The following PKHD1 variants were observed in gnomAD, a reference collection of about 807,000 sequenced individuals.
PKHD1 encodes PKHD1 ciliary IPT domain containing fibrocystin/polyductin, also known as fibrocystin.
Under a neutral mutation model 412.0 loss-of-function variants are expected in PKHD1, and 291 were observed. That is an observed-to-expected ratio of 0.71 (90% confidence interval 0.64 to 0.78). The LOEUF (loss-of-function observed/expected upper bound fraction) is 0.78, where lower values mean the gene tolerates loss of function less well. Ranked by LOEUF, PKHD1 falls within the 30% of genes least tolerant of loss-of-function variation. The probability of loss-of-function intolerance (pLI) is 0.00; values close to 1 mark genes in which losing one functional copy is unlikely to be tolerated. For missense variants in PKHD1, 4,825 were observed against 4,950.7 expected (o/e 0.97, Z 0.76); for synonymous variants, 1,777 against 1,821.5 (o/e 0.98, Z 0.62).
intron 52 of PKHD1, among the ~76,000 whole-genome samples, chr6:51,812,205 A>C (rs1367990627): frequency 6.6e-6 from 1 of 152,222 alleles, no homozygotes; most frequent in Non-Finnish European, 1.5e-5. Flanking sequence ...CAGACACCCT[A>C]TTAGAGTTTC....
intron 55 of PKHD1, among the ~76,000 whole-genome samples, chr6:51,763,895 C>G (rs559792430): frequency 6.6e-6 from 1 of 152,048 alleles, no homozygotes; most frequent in East Asian, 1.9e-4. Context: ...CCATACTACC[C>G]CCTTAAAAAC....
intron 52 of PKHD1, among the ~76,000 whole-genome samples, chr6:51,813,412 A>C (rs1764989246): frequency 6.6e-6 from 1 of 152,202 alleles, no homozygotes; most frequent in South Asian, 2.1e-4. Flanking sequence ...CATACTCTGT[A>C]ATAACTGTTC....
intron 36 of PKHD1, among the ~76,000 whole-genome samples, chr6:51,941,334 CA>C (rs1788521736): frequency 7.0e-6 from 1 of 143,618 alleles, no homozygotes; most frequent in African/African-American, 2.5e-5. Flanking sequence ...CGGCTCACTG[CA>C]AGCTCCGCTT....
At position 51,645,847 on chromosome 6, in the gene PKHD1, T is replaced by C. The variant is rs141535670; in HGVS notation, c.11398+2184A>G. Among the ~76,000 whole-genome samples, 864 of 152,342 alleles carry C rather than the reference T, an allele frequency of 5.7e-3. 6 individuals are homozygous for C. The highest frequency in any genetic ancestry group is 0.019 in the African/African-American group (806 of 41,590). On this transcript the variant is annotated intron_variant, in intron 63 of 66. Coordinates refer to ENST00000371117, the MANE Select transcript of PKHD1 (RefSeq NM_138694.4). Reference sequence around the variant, plus strand: ...CAATTCTGAATTCAAGGAGTCAAGATAAACCCATTGGCTCTATTCTTTTAC... The same window carrying C: ...CAATTCTGAATTCAAGGAGTCAAGACAAACCCATTGGCTCTATTCTTTTAC...
intron 61 of PKHD1, among the ~76,000 whole-genome samples, chr6:51,651,958 A>T (rs2661500): frequency 1.3e-5 from 2 of 152,076 alleles, no homozygotes; most frequent in African/African-American, 2.4e-5. Context: ...TCCAAACATC[A>T]TTACATGCTG....
chr6:51,757,921 G>T (rs2025749), intron 55 of PKHD1, among the ~76,000 whole-genome samples: 48,392 of 151,322 alleles, frequency 0.32, 9,599 homozygotes, highest in East Asian at 0.7. Context: ...TGAGGTGGGA[G>T]GATGGCTTAG....
chr6:51,840,450 T>G (rs147017516), intron 50 of PKHD1, among the ~76,000 whole-genome samples: 1 of 152,132 alleles, frequency 6.6e-6, no homozygotes, highest in Non-Finnish European at 1.5e-5. Flanking sequence ...AACACATATA[T>G]CTGCATTAGC....
intron 35 of PKHD1, among the ~76,000 whole-genome samples, chr6:51,994,407 T>A (rs1302320672): frequency 6.6e-6 from 1 of 152,166 alleles, no homozygotes; most frequent in Admixed American, 6.5e-5. Flanking sequence ...AGTCCTGGGG[T>A]TACAGGCGTG....
Position 51,829,632 on chromosome 6 carries a change from G to A in PKHD1, c.8302+1229C>T, listed in dbSNP as rs551371945. Among the ~76,000 whole-genome samples the A allele has an allele frequency of 1.3e-4, 20 of 152,164 alleles. No individual in the cohort carries two copies. In the South Asian group the frequency reaches 3.3e-3, roughly 25 times the overall value. On this transcript the variant is annotated intron_variant, in intron 52 of 66. Transcript: ENST00000371117. ...AAGTGGGATGATAATAATAATTGAC[G>A]TTTGTACTGGTCAGCCCACTCACAC...
intron 57 of PKHD1, among the ~76,000 whole-genome samples, chr6:51,749,658 C>A (rs1318210242): frequency 6.6e-6 from 1 of 152,066 alleles, no homozygotes; most frequent in East Asian, 1.9e-4. Flanking sequence ...CAATTATTAT[C>A]CCCATTTTAC....
chr6:51,960,490 G>C (rs1180850975), intron 35 of PKHD1, among the ~76,000 whole-genome samples: 1 of 152,126 alleles, frequency 6.6e-6, no homozygotes, highest in African/African-American at 2.4e-5. Flanking sequence ...TGTTCTGCTT[G>C]ATGGGTGGCA....
chr6:51,675,919 C>T (rs944566484), intron 60 of PKHD1, among the ~76,000 whole-genome samples: 6 of 152,286 alleles, frequency 3.9e-5, no homozygotes, highest in African/African-American at 1.2e-4. Flanking sequence ...TGCCTATGAG[C>T]ACTTGCTTTG....
At chr6:51,699,927 G>GTGTGTGTGTGTGTGTGTGTT (rs1562125567) in intron 60 of PKHD1, among the ~76,000 whole-genome samples, 2 of 22,598 alleles carry the variant, frequency 8.9e-5, no homozygotes, top group Admixed American at 2.0e-3. Context: ...TGGAGTGTGT[G>GTGTGTGTGTGTGTGTGTGTT]TGTGTGTGTG....
At position 51,874,680 on chromosome 6, in the gene PKHD1, G is replaced by T. The variant is rs530788350; in HGVS notation, c.7351-4041C>A. Among the ~76,000 whole-genome samples the T allele has an allele frequency of 2.6e-5, 4 of 152,264 alleles. No individual in the cohort carries two copies. The South Asian group carries it at 8.3e-4, about 32-fold the overall frequency. ...GCAGTGGCTCACGCCTGTAATCCCA[G>T]CACTATGGGAGGCCAAGGCGGGCGG... On this transcript the variant is annotated intron_variant, in intron 46 of 66. Coordinates refer to ENST00000371117, the MANE Select transcript of PKHD1 (RefSeq NM_138694.4).
intron 64 of PKHD1, 50 bp downstream of exon 64, chr6:51,638,799 C>CAAAAAAAAAAAAAAAAAAAAAA: frequency 4.7e-6 from 4 of 847,888 alleles, no homozygotes; most frequent in Non-Finnish European, 5.5e-6. Flanking sequence ...ATTATCTTCT[C>CAAAAAAAAAAAAAAAAAAAAAA]AAAAAAAAAA....
chr6:51,985,945 CA>C (rs902810304), intron 35 of PKHD1, among the ~76,000 whole-genome samples: 1 of 151,868 alleles, frequency 6.6e-6, no homozygotes, highest in African/African-American at 2.4e-5. Context: ...TTTATGTAAC[CA>C]TTTGTGAATA....
At chr6:52,052,751 C>G (rs1807064500) in intron 21 of PKHD1, among the ~76,000 whole-genome samples, 1 of 152,052 alleles carries the variant, frequency 6.6e-6, no homozygotes, top group Non-Finnish European at 1.5e-5. Context: ...TAATCTTCAC[C>G]GTAATCTAAT....
At chr6:51,975,201 T>G in intron 35 of PKHD1, among the ~76,000 whole-genome samples, 1 of 152,144 alleles carries the variant, frequency 6.6e-6, no homozygotes, top group East Asian at 1.9e-4. Context: ...GTTTCTTTGT[T>G]TTTACTTAGG....
rs188193853 is a variant in PKHD1, at chr6:51,708,824, G to A, written c.10156+35561C>T. The stretch of plus-strand genomic sequence containing the variant: ...GACCCATAGGGCCAATTTGCCCATG[G>A]CTTGTTATGAAACAGCCCTCAGGCT... On this transcript the variant is annotated intron_variant, in intron 60 of 66. Coordinates refer to ENST00000371117, the MANE Select transcript of PKHD1 (RefSeq NM_138694.4). Among the ~76,000 whole-genome samples, 421 of 152,212 alleles carry A rather than the reference G, an allele frequency of 2.8e-3. 3 individuals are homozygous for A. The highest frequency in any genetic ancestry group is 5.5e-3 in the Admixed American group (84 of 15,288).
Sources: gnomAD v4.1 joint callset for allele counts (sites outside exome capture counted in the v4.1 genomes callset) on GRCh38, gnomAD v4.1.1 for gene constraint, MANE v1.5 for transcripts, NCBI Gene and HGNC (gene_info 2026-07-23, HGNC 2026-07-21) for gene names.